ADGRL3: variants seen among roughly 807,000 people sequenced by gnomAD.
ADGRL3 encodes adhesion G protein-coupled receptor L3.
Under a neutral mutation model 153.5 loss-of-function variants are expected in ADGRL3, and 62 were observed. The observed-to-expected ratio is 0.40, with a 90% CI of 0.33 to 0.50. ADGRL3 has a LOEUF of 0.50. Ranked by LOEUF, ADGRL3 falls within the 20% of genes least tolerant of loss-of-function variation. ADGRL3 has a pLI of 0.47. For missense variants in ADGRL3, 1,641 were observed against 1,859.4 expected (o/e 0.88, Z 2.16); for synonymous variants, 710 against 672.5 (o/e 1.06, Z -0.86).
chr4:61,683,792 CT>C (rs2151015941), intron 6 of ADGRL3, among the ~76,000 whole-genome samples: 1 of 152,246 alleles, frequency 6.6e-6, no homozygotes, highest in East Asian at 1.9e-4. Flanking sequence ...GGACCCACCC[CT>C]ATCTGCCTAG....
At chr4:61,752,963 G>T (rs913436038) in intron 8 of ADGRL3, among the ~76,000 whole-genome samples, 6 of 151,884 alleles carry the variant, frequency 4.0e-5, no homozygotes, top group Admixed American at 3.3e-4. Context: ...GCATGCCAAG[G>T]TGCCATATTT....
chr4:61,840,263 G>A (rs555648194), intron 9 of ADGRL3, among the ~76,000 whole-genome samples: 1 of 151,886 alleles, frequency 6.6e-6, no homozygotes, highest in South Asian at 2.1e-4. Context: ...TATTTTTTGT[G>A]GAGACGGTGT....
At chr4:61,439,602 C>G (rs2097502757) in intron 2 of ADGRL3, among the ~76,000 whole-genome samples, 1 of 152,146 alleles carries the variant, frequency 6.6e-6, no homozygotes, top group African/African-American at 2.4e-5. Context: ...TATCCCTCCC[C>G]TAGCCCTCCA....
intron 4 of ADGRL3, among the ~76,000 whole-genome samples, chr4:61,523,060 T>TGC (rs2098540384): frequency 6.6e-6 from 1 of 150,562 alleles, no homozygotes; most frequent in Non-Finnish European, 1.5e-5. Flanking sequence ...AAATTGTGCG[T>TGC]GTGTGTGTGT....
intron 1 of ADGRL3, among the ~76,000 whole-genome samples, chr4:61,250,260 T>C (rs574274663): frequency 6.6e-6 from 1 of 152,256 alleles, no homozygotes; most frequent in East Asian, 1.9e-4. Context: ...AGCAACAAGC[T>C]CTTTAGAACA....
intron 9 of ADGRL3, among the ~76,000 whole-genome samples, chr4:61,881,633 C>T (rs975632619): frequency 2.0e-5 from 3 of 152,210 alleles, no homozygotes; most frequent in African/African-American, 4.8e-5. Flanking sequence ...CTGCCTCGGC[C>T]GCCCAAAGTG....
chr4:61,230,220 A>T (rs1012361457), intron 1 of ADGRL3, among the ~76,000 whole-genome samples: 2 of 152,158 alleles, frequency 1.3e-5, no homozygotes, highest in African/African-American at 4.8e-5. Flanking sequence ...TAACACAGCT[A>T]TTGGCACATA....
chr4:61,497,132 G>T lies in ADGRL3; in HGVS notation c.-162G>T. The T allele has an allele frequency of 5.4e-6, 3 of 552,402 alleles. No individual in the cohort carries two copies. Among genetic ancestry groups the T allele is most frequent in the Non-Finnish European group, 9.4e-6 (3 of 318,970 alleles). The allele number at this position is 552,402 out of a possible 1,614,324, so 34.2% of individuals were successfully genotyped here. A position where few individuals can be genotyped will look rare whatever the true frequency, so the allele number is the denominator to read the frequency against. ...TTTCTTTTTTGCAGGTTTCAGATTT[G>T]GGATATTGGTGTTTCTGTTTTGGAG... On this transcript the variant is annotated 5_prime_UTR_variant, in exon 3 of 27. Transcript: ENST00000683033.
chr4:61,749,719 G>T (rs983444549), intron 8 of ADGRL3, among the ~76,000 whole-genome samples: 1 of 152,010 alleles, frequency 6.6e-6, no homozygotes, highest in Non-Finnish European at 1.5e-5. Flanking sequence ...TAGGGTGGGG[G>T]GTGGAGGGAG....
At chr4:61,215,935 A>C (rs1311113850) in intron 1 of ADGRL3, among the ~76,000 whole-genome samples, 1 of 152,084 alleles carries the variant, frequency 6.6e-6, no homozygotes, top group Non-Finnish European at 1.5e-5. Context: ...GTATCGAATT[A>C]GTCATGTAAC....
chr4:61,694,514 T>A (rs903471071), intron 6 of ADGRL3, among the ~76,000 whole-genome samples: 1 of 152,206 alleles, frequency 6.6e-6, no homozygotes, highest in African/African-American at 2.4e-5. Context: ...TATTTCTTAA[T>A]TTAAGAATAC....
rs1425859708 is a variant in ADGRL3, at chr4:62,018,359, G to A, written c.3396-10496G>A. On this transcript the variant is annotated intron_variant, in intron 21 of 26. Transcript: ENST00000683033. ...TTGAGTAGATCAGTTAGGAGACTGAGGGTGTCAGGAGAGGAGTCTCTGATA... is the reference window on the plus strand; with the variant it reads ...TTGAGTAGATCAGTTAGGAGACTGAAGGTGTCAGGAGAGGAGTCTCTGATA... Among the ~76,000 whole-genome samples the A allele has an allele frequency of 2.0e-5, 3 of 152,136 alleles. No homozygotes were observed. In the East Asian group the frequency reaches 5.8e-4, roughly 29 times the overall value.
chr4:61,273,363 G>T (rs1003917622), intron 1 of ADGRL3, among the ~76,000 whole-genome samples: 15 of 152,102 alleles, frequency 9.9e-5, no homozygotes, highest in Admixed American at 9.8e-4. Context: ...TAGATGGCCG[G>T]TCCTGGATAT....
At chr4:61,871,017 G>A (rs76262622) in intron 9 of ADGRL3, among the ~76,000 whole-genome samples, 1 of 151,986 alleles carries the variant, frequency 6.6e-6, no homozygotes, top group South Asian at 2.1e-4. Context: ...GGTGGCTCAT[G>A]CCTGTAATCC....
At chr4:61,346,654 T>A (rs982672092) in intron 1 of ADGRL3, among the ~76,000 whole-genome samples, 2 of 151,386 alleles carry the variant, frequency 1.3e-5, no homozygotes, top group South Asian at 2.1e-4. Context: ...TCATGACTAT[T>A]GTCCCGGCTA....
chr4:61,922,566 A>T (rs1481044147), intron 13 of ADGRL3, among the ~76,000 whole-genome samples: 3 of 152,204 alleles, frequency 2.0e-5, no homozygotes, highest in Non-Finnish European at 4.4e-5. Flanking sequence ...AGGATATCAT[A>T]TTACATTTAA....
At chr4:61,503,096 C>T (rs536447091) in intron 3 of ADGRL3, among the ~76,000 whole-genome samples, 1 of 152,238 alleles carries the variant, frequency 6.6e-6, no homozygotes, top group East Asian at 1.9e-4. Flanking sequence ...ACTGCTCAGT[C>T]GCTAATACCA....
intron 1 of ADGRL3, among the ~76,000 whole-genome samples, chr4:61,255,855 G>A (rs913209040): frequency 2.0e-5 from 3 of 152,134 alleles, no homozygotes; most frequent in Admixed American, 1.3e-4. Flanking sequence ...TCCCTAGTAA[G>A]TTGTTATGGA....
intron 5 of ADGRL3, among the ~76,000 whole-genome samples, chr4:61,662,418 G>C (rs541553049): frequency 6.6e-6 from 1 of 152,370 alleles, no homozygotes; most frequent in African/African-American, 2.4e-5. Flanking sequence ...TTTAGGCTAA[G>C]CCTGAGCGCT....
Sources: gnomAD v4.1 joint callset for allele counts (sites outside exome capture counted in the v4.1 genomes callset) on GRCh38, gnomAD v4.1.1 for gene constraint, MANE v1.5 for transcripts, NCBI Gene and HGNC (gene_info 2026-07-23, HGNC 2026-07-21) for gene names.